Variants in TRHDE observed in about 807,000 individuals in gnomAD.
The protein encoded by TRHDE is thyrotropin-releasing hormone-degrading ectoenzyme.
Under a neutral mutation model 125.7 loss-of-function variants are expected in TRHDE, and 72 were observed. The ratio of observed to expected loss-of-function variants is 0.57; its 90% CI spans 0.47 to 0.70. The LOEUF (loss-of-function observed/expected upper bound fraction) is 0.70. Ranked by LOEUF, TRHDE falls within the 30% of genes least tolerant of loss-of-function variation. The pLI is 0.00. For missense variants in TRHDE, 1,110 were observed against 1,327.1 expected, an observed-to-expected ratio of 0.84 and a Z score of 2.54; for synonymous variants, 509 against 509.1, an observed-to-expected ratio of 1.00 and a Z score of 0.00.
At chr12:72,642,555 G>A (rs926870870) in intron 15 of TRHDE, among the ~76,000 whole-genome samples, 6 of 152,036 alleles carry the variant, frequency 3.9e-5, no homozygotes, top group Non-Finnish European at 8.8e-5. Flanking sequence ...GCATTACCCC[G>A]GGATTCATCT....
At chr12:72,577,520 G>A (rs1871050316) in intron 12 of TRHDE, among the ~76,000 whole-genome samples, 1 of 152,030 alleles carries the variant, frequency 6.6e-6, no homozygotes, top group Admixed American at 6.6e-5. Flanking sequence ...AAGAGCCAGA[G>A]GATATAGAAG....
chr12:72,656,846 G>A, intron 17 of TRHDE, 81 bp from the exon 18 acceptor site: 8 of 991,242 alleles, frequency 8.1e-6, no homozygotes, highest in Non-Finnish European at 1.1e-5. Context: ...GAACCCTTGA[G>A]AAAACTCTAA....
intron 10 of TRHDE, 72 bp from the exon 11 acceptor site, chr12:72,575,183 C>A: frequency 1.4e-6 from 2 of 1,425,538 alleles, no homozygotes; most frequent in Non-Finnish European, 1.9e-6. Flanking sequence ...TTATATCTGG[C>A]GTTAAGAAAA....
chr12:72,338,901 C>T (rs538764084), intron 2 of TRHDE, among the ~76,000 whole-genome samples: 9 of 152,200 alleles, frequency 5.9e-5, no homozygotes, highest in Non-Finnish European at 4.4e-5. Flanking sequence ...GAAGAAAAAG[C>T]CTTTAAACGC....
At chr12:72,520,575 G>C (rs1170544122) in intron 6 of TRHDE, among the ~76,000 whole-genome samples, 1 of 152,180 alleles carries the variant, frequency 6.6e-6, no homozygotes, top group East Asian at 1.9e-4. Flanking sequence ...CGGTACCTCA[G>C]ATGGAAATGC....
chr12:72,614,330 A>ATATCTATATATT (rs531067163), intron 12 of TRHDE, among the ~76,000 whole-genome samples: 1 of 129,860 alleles, frequency 7.7e-6, no homozygotes, highest in Admixed American at 8.0e-5. Flanking sequence ...ATATATATAT[A>ATATCTATATATT]TTTTTTTTTT....
chr12:72,383,339 T>G (rs1173902937), intron 3 of TRHDE, among the ~76,000 whole-genome samples: 1 of 152,122 alleles, frequency 6.6e-6, no homozygotes, highest in East Asian at 1.9e-4. Flanking sequence ...GTGAGCCACT[T>G]TTAAGGGCTT....
chr12:72,333,991 T>C (rs1280654737), intron 2 of TRHDE, among the ~76,000 whole-genome samples: 3 of 151,768 alleles, frequency 2.0e-5, no homozygotes, highest in Non-Finnish European at 4.4e-5. Context: ...GTGGAATGGG[T>C]ATAATTTTAG....
intron 5 of TRHDE, among the ~76,000 whole-genome samples, chr12:72,475,379 C>T (rs1429239093): frequency 6.6e-6 from 1 of 152,014 alleles, no homozygotes; most frequent in Non-Finnish European, 1.5e-5. Flanking sequence ...TTTTTTAGCT[C>T]ATTCAGATAC....
chr12:72,505,701 T>C (rs955946380), intron 6 of TRHDE, among the ~76,000 whole-genome samples: 20 of 152,214 alleles, frequency 1.3e-4, no homozygotes, highest in Non-Finnish European at 1.9e-4. Context: ...ATTGGGGACA[T>C]AAATTTTTTA....
At chr12:72,293,244 A>G (rs575128794) in intron 2 of TRHDE, among the ~76,000 whole-genome samples, 20 of 151,650 alleles carry the variant, frequency 1.3e-4, no homozygotes, top group African/African-American at 4.8e-4. Context: ...GATTCTGGAT[A>G]TTAGTTCTTT....
intron 2 of TRHDE, among the ~76,000 whole-genome samples, chr12:72,244,147 C>A (rs1032842696): frequency 3.3e-5 from 5 of 152,150 alleles, no homozygotes; most frequent in South Asian, 2.1e-4. Context: ...ATTGTTTGCA[C>A]ATTGGTGTAT....
At chr12:72,441,234 A>G (rs1057404711) in intron 3 of TRHDE, among the ~76,000 whole-genome samples, 12 of 151,920 alleles carry the variant, frequency 7.9e-5, no homozygotes, top group Admixed American at 3.9e-4. Flanking sequence ...TTTGACTATA[A>G]ATGATGATTT....
intron 2 of TRHDE, chr12:72,255,917 T>G (rs1878803819): frequency 6.6e-6 from 1 of 152,238 alleles, no homozygotes; most frequent in Non-Finnish European, 1.5e-5. Flanking sequence ...ACAACCCATG[T>G]ATAATCCTTC....
At chr12:72,567,155 A>T (rs1410943193) in intron 9 of TRHDE, among the ~76,000 whole-genome samples, 2 of 134,132 alleles carry the variant, frequency 1.5e-5, no homozygotes, top group Non-Finnish European at 3.0e-5. Context: ...AAAGCTTGGA[A>T]GTATTTGTTA....
At position 72,108,480 on chromosome 12, in the gene TRHDE, G is replaced by A. The variant is rs1592443237; in HGVS notation, n.279+2728G>A. On this transcript the variant is annotated intron_variant and non_coding_transcript_variant, in intron 2 of 4. Coordinates refer to the TRHDE transcript ENST00000548156. ...TTTTCAGGCTAACATCATCCTGTTT[G>A]CAAAATGGACAGATGCTGTTTATTT... is the stretch of plus-strand genomic sequence containing the variant. Among the ~76,000 whole-genome samples the A allele has an allele frequency of 2.0e-5, 3 of 152,196 alleles. No homozygotes were observed. The South Asian group carries it at 6.2e-4, about 32-fold the overall frequency.
intron 2 of TRHDE, among the ~76,000 whole-genome samples, chr12:72,328,741 G>T (rs569790794): frequency 1.1e-4 from 16 of 152,096 alleles, no homozygotes; most frequent in African/African-American, 3.6e-4. Flanking sequence ...GAGAGGAAAA[G>T]TTTCTTTGCT....
At chr12:72,490,274 A>T (rs1877604294) in intron 5 of TRHDE, among the ~76,000 whole-genome samples, 1 of 151,942 alleles carries the variant, frequency 6.6e-6, no homozygotes, top group African/African-American at 2.4e-5. Context: ...AATGAAAATC[A>T]TGAGATACCA....
chr12:72,437,125 G>A (rs963088032), intron 3 of TRHDE, among the ~76,000 whole-genome samples: 3 of 151,848 alleles, frequency 2.0e-5, no homozygotes, highest in Non-Finnish European at 4.4e-5. Context: ...GTTTGGACAA[G>A]TTTATTAATT....
Sources: gnomAD v4.1 joint callset for allele counts (sites outside exome capture counted in the v4.1 genomes callset) on GRCh38, gnomAD v4.1.1 for gene constraint, MANE v1.5 for transcripts, NCBI Gene and HGNC (gene_info 2026-07-23, HGNC 2026-07-21) for gene names.